The following ETV1 variants were observed in gnomAD, a reference collection of about 807,000 sequenced individuals.
ETV1 encodes the protein ETS translocation variant 1.
ETV1 carries 27 observed loss-of-function variants against 62.3 expected under a neutral mutation model. The observed-to-expected ratio is 0.43, with a 90% CI of 0.32 to 0.60. The LOEUF (loss-of-function observed/expected upper bound fraction) is 0.60, where lower values mean the gene tolerates loss of function less well. Ranked by LOEUF, ETV1 falls within the 20% of genes least tolerant of loss-of-function variation. ETV1 has a pLI of 0.06. For missense variants in ETV1, 605 were observed against 605.8 expected (o/e 1.00, Z 0.01); for synonymous variants, 222 against 199.6 (o/e 1.11, Z -0.94).
chr7:13,920,989 CTACTAG>C (rs1784780910), intron 9 of ETV1, among the ~76,000 whole-genome samples: 1 of 152,162 alleles, frequency 6.6e-6, no homozygotes, highest in Admixed American at 6.5e-5. Context: ...ATTAAGTGAT[CTACTAG>C]TCCACAAATC....
intron 6 of ETV1, among the ~76,000 whole-genome samples, chr7:13,945,455 T>G (rs76699868): frequency 6.7e-6 from 1 of 149,742 alleles, no homozygotes; most frequent in South Asian, 2.1e-4. Flanking sequence ...TTTTTTTTTT[T>G]CTAATCATAA....
chr7:13,952,905 G>T (rs898567611), intron 6 of ETV1, among the ~76,000 whole-genome samples: 1 of 152,134 alleles, frequency 6.6e-6, no homozygotes, highest in African/African-American at 2.4e-5. Context: ...CAGCAGTAGT[G>T]GTACTAAATG....
In ETV1 at chr7:13,931,583, T is replaced by A; in HGVS notation, c.721A>T (p.Met241Leu). The A allele has an allele frequency of 3.1e-6, 5 of 1,614,048 alleles. No homozygotes were observed. Among genetic ancestry groups the A allele is most frequent in the Non-Finnish European group, 4.2e-6 (5 of 1,179,898 alleles). ...YHDPVYEHNT[M>L]VGSAASQSFP... is the part of the protein sequence containing the mutation. Reference sequence around the variant, plus strand: ...CTTTGGCTGGCCGCACTGCCAACCATGGTGTTGTGTTCATACACTGGGTCG... The same window carrying A: ...CTTTGGCTGGCCGCACTGCCAACCAAGGTGTTGTGTTCATACACTGGGTCG... Residue 241 changes from methionine (M) to leucine (L), a missense_variant, in exon 9 of 14, where the codon ATG becomes TTG. Met to Leu is a conservative substitution (Grantham distance 15). This residue lies in a region of ETV1 where 426 missense variants were observed against 377.8 expected (regional missense o/e 1.13). Coordinates refer to ENST00000430479, the MANE Select transcript of ETV1 (RefSeq NM_004956.5).
In ETV1 at chr7:13,965,234, G is replaced by A. The variant is rs192534279; in HGVS notation, c.235+12193C>T. Among the ~76,000 whole-genome samples, 10 of 152,240 alleles carry A rather than the reference G, an allele frequency of 6.6e-5. No individual in the cohort carries two copies. The East Asian group carries it at 1.7e-3, about 26-fold the overall frequency. ...GAGAAAATATTTGAGGCAGAGAAGCGCACACACTGCAGCCTAGACAAGGAC... is the reference window on the plus strand; with the variant it reads ...GAGAAAATATTTGAGGCAGAGAAGCACACACACTGCAGCCTAGACAAGGAC... On this transcript the variant is annotated intron_variant, in intron 6 of 13. Transcript: ENST00000430479.
intron 3 of ETV1, chr7:13,988,500 T>C (rs924617162): frequency 5.7e-6 from 4 of 699,988 alleles, no homozygotes; most frequent in South Asian, 2.1e-5. Context: ...GCTGGTTCAA[T>C]GCTAGATTAA....
chr7:13,985,666 A>T (rs937042973), intron 5 of ETV1: 1 of 178,804 alleles, frequency 5.6e-6, no homozygotes, highest in Non-Finnish European at 1.2e-5. Flanking sequence ...ACACACAAAT[A>T]ATACTGTTAT....
intron 6 of ETV1, among the ~76,000 whole-genome samples, chr7:13,972,677 C>T (rs1781025338): frequency 1.3e-5 from 2 of 152,166 alleles, no homozygotes; most frequent in Non-Finnish European, 1.5e-5. Context: ...AGATTTATTG[C>T]TAAGGAATAA....
upstream of ETV1, chr7:13,990,095 C>T (rs979028185): frequency 6.5e-6 from 1 of 153,310 alleles, no homozygotes; most frequent in African/African-American, 2.4e-5. Flanking sequence ...CAGCTGCCCT[C>T]CCCTCAGGAT....
intron 6 of ETV1, among the ~76,000 whole-genome samples, chr7:13,968,331 A>G (rs1392812774): frequency 6.6e-6 from 1 of 151,956 alleles, no homozygotes; most frequent in Non-Finnish European, 1.5e-5. Context: ...TCTTTGGAAG[A>G]GCAAGCACCA....
intron 4 of ETV1, among the ~76,000 whole-genome samples, chr7:13,987,403 T>C (rs1782645263): frequency 6.6e-6 from 1 of 152,130 alleles, no homozygotes; most frequent in Non-Finnish European, 1.5e-5. Flanking sequence ...CTTTGATAAT[T>C]AAATCTAAGT....
chr7:13,912,067 T>C (rs1783620729), intron 9 of ETV1, among the ~76,000 whole-genome samples: 1 of 152,218 alleles, frequency 6.6e-6, no homozygotes, highest in Non-Finnish European at 1.5e-5. Context: ...GGCAAGCATT[T>C]TGTTGAACTA....
rs544953533 is a variant in ETV1 at position 13,968,004 on chromosome 7, T to C, written c.235+9423A>G. Among the ~76,000 whole-genome samples the C allele has an allele frequency of 3.3e-5, 5 of 152,254 alleles. No individual in the cohort carries two copies. The South Asian group carries it at 6.2e-4, about 19-fold the overall frequency. ...ATTTGGTTCTGCAAATATTTTCCAC[T>C]GACATCCTTTACCTAGATTTTTCCA... On this transcript the variant is annotated intron_variant, in intron 6 of 13. Transcript: ENST00000430479.
In ETV1 at chr7:13,893,023, C is replaced by G. The variant is rs1374665944; in HGVS notation, c.*2843G>C. On this transcript the variant is annotated 3_prime_UTR_variant, in exon 14 of 14. Coordinates refer to ENST00000430479, the MANE Select transcript of ETV1 (RefSeq NM_004956.5). ...CCGCCCATGATTTGAGAAAAATGTT[C>G]TGCACTGTCAGTCTTGTGGATTTTT... 4.3e-6 allele frequency: 1 copy of G among 232,700 alleles called. No homozygotes were observed. The highest frequency in any genetic ancestry group is 2.2e-5 in the African/African-American group (1 of 45,336). The allele number at this position is 232,700 out of a possible 1,614,324, so 14.4% of individuals were successfully genotyped here.
chr7:13,941,797 G>C (rs532597508), intron 6 of ETV1, among the ~76,000 whole-genome samples: 8 of 151,844 alleles, frequency 5.3e-5, no homozygotes, highest in Admixed American at 4.6e-4. Flanking sequence ...TTGAACCCGC[G>C]AAGCAGAGTT....
intron 11 of ETV1, among the ~76,000 whole-genome samples, chr7:13,907,237 A>G (rs1218467291): frequency 1.3e-5 from 2 of 152,150 alleles, no homozygotes; most frequent in Non-Finnish European, 2.9e-5. Flanking sequence ...CCTTCACCGC[A>G]TCATATACCT....
chr7:13,986,588 T>C, intron 5 of ETV1, 50 bp downstream of exon 5: 1 of 1,606,990 alleles, frequency 6.2e-7, no homozygotes, highest in Non-Finnish European at 8.5e-7. Context: ...CTTCTTTTCT[T>C]TCTCCTTCTA....
intron 9 of ETV1, among the ~76,000 whole-genome samples, chr7:13,923,894 T>G (rs566383436): frequency 6.6e-6 from 1 of 151,918 alleles, no homozygotes; most frequent in Admixed American, 6.6e-5. Context: ...TAGCCGGGCA[T>G]GGTGGTGGCG....
rs114597143 is a variant in ETV1 at position 13,982,749 on chromosome 7, G to A, written c.181+3889C>T. Among the ~76,000 whole-genome samples, 555 of 151,870 alleles carry A rather than the reference G, an allele frequency of 3.7e-3. 2 individuals are homozygous for A. Among genetic ancestry groups the A allele is most frequent in the African/African-American group, 0.012 (511 of 41,444 alleles). On this transcript the variant is annotated intron_variant, in intron 5 of 13. Transcript: ENST00000430479. Reference sequence around the variant, plus strand: ...CACATAAAATAATGTCGTTTTTAAAGCCTTTAATCCTTATTGCACCAAGTG... The same window carrying A: ...CACATAAAATAATGTCGTTTTTAAAACCTTTAATCCTTATTGCACCAAGTG...
chr7:13,911,745 A>G (rs1360753000), intron 9 of ETV1, among the ~76,000 whole-genome samples: 2 of 152,244 alleles, frequency 1.3e-5, no homozygotes, highest in Non-Finnish European at 2.9e-5. Flanking sequence ...TGTATTATCA[A>G]AAGTTTTATT....
Sources: allele counts gnomAD v4.1 joint callset (sites outside exome capture counted in the v4.1 genomes callset), GRCh38; gene constraint gnomAD v4.1.1; regional missense constraint gnomAD v4.1.1; transcripts MANE v1.5; gene names NCBI Gene and HGNC (gene_info 2026-07-23, HGNC 2026-07-21).